The following AHCYL2 variants were observed in gnomAD, a reference collection of about 807,000 sequenced individuals.
The protein encoded by AHCYL2 is S-adenosylhomocysteine hydrolase-like protein 2.
AHCYL2 carries 28 observed loss-of-function variants against 81.4 expected under a neutral mutation model. The ratio of observed to expected loss-of-function variants is 0.34; its 90% CI spans 0.25 to 0.47. The LOEUF (loss-of-function observed/expected upper bound fraction) is 0.47. Ranked by LOEUF, AHCYL2 falls within the 20% of genes least tolerant of loss-of-function variation. The pLI is 1.00. For missense variants in AHCYL2, 551 were observed against 785.1 expected (o/e 0.70, Z 3.56); for synonymous variants, 272 against 290.2 (o/e 0.94, Z 0.64).
At chr7:129,370,850 G>A (rs746242554) in intron 1 of AHCYL2, among the ~76,000 whole-genome samples, 14 of 152,202 alleles carry the variant, frequency 9.2e-5, no homozygotes, top group Non-Finnish European at 1.6e-4. Context: ...GCAATAAAAA[G>A]GAATAGGGAG....
At chr7:129,317,868 T>C (rs1173732082) in intron 1 of AHCYL2, among the ~76,000 whole-genome samples, 2 of 152,168 alleles carry the variant, frequency 1.3e-5, no homozygotes, top group African/African-American at 4.8e-5. Context: ...CTAGGGAAGA[T>C]AGAAATAAAA....
chr7:129,237,477 A>G (rs1794679857), intron 1 of AHCYL2, among the ~76,000 whole-genome samples: 1 of 152,196 alleles, frequency 6.6e-6, no homozygotes, highest in Non-Finnish European at 1.5e-5. Flanking sequence ...CGCAAATATG[A>G]CACTAAAAAT....
chr7:129,345,983 C>G (rs1372883743), intron 1 of AHCYL2, among the ~76,000 whole-genome samples: 1 of 152,074 alleles, frequency 6.6e-6, no homozygotes, highest in East Asian at 1.9e-4. Context: ...GTATATAGAT[C>G]TGAGAGATCT....
intron 1 of AHCYL2, among the ~76,000 whole-genome samples, chr7:129,343,255 C>T (rs1057189956): frequency 2.6e-5 from 4 of 152,100 alleles, no homozygotes; most frequent in Non-Finnish European, 2.9e-5. Context: ...TTGGCATATC[C>T]GTACAGTTTC....
intron 1 of AHCYL2, chr7:129,351,759 A>G (rs1318728559): frequency 6.6e-6 from 1 of 152,108 alleles, no homozygotes; most frequent in Admixed American, 6.5e-5. Context: ...TGGTTCTCAA[A>G]ATGTGGTCCA....
intron 11 of AHCYL2, among the ~76,000 whole-genome samples, chr7:129,412,604 T>A (rs1057020577): frequency 2.0e-5 from 3 of 152,072 alleles, no homozygotes; most frequent in African/African-American, 7.2e-5. Context: ...TTTTTAAAAG[T>A]GACTGCACCA....
chr7:129,267,235 G>GTGTA (rs1795843015), intron 1 of AHCYL2, among the ~76,000 whole-genome samples: 1 of 135,606 alleles, frequency 7.4e-6, no homozygotes, highest in Admixed American at 7.8e-5. Flanking sequence ...CAAGGGGTGT[G>GTGTA]TGTGTGTGTG....
intron 1 of AHCYL2, among the ~76,000 whole-genome samples, chr7:129,338,361 C>T (rs1227997800): frequency 1.3e-5 from 2 of 151,768 alleles, no homozygotes; most frequent in African/African-American, 4.8e-5. Context: ...CTTGCTGTTT[C>T]CCAGGCATGT....
At chr7:129,422,719 T>C in intron 12 of AHCYL2, 121 bp from the exon 13 acceptor site, 1 of 757,848 alleles carries the variant, frequency 1.3e-6, no homozygotes, top group South Asian at 1.7e-5. Flanking sequence ...ACAGGTATTC[T>C]CCATCTGGCA....
chr7:129,236,186 C>A (rs185324344), intron 1 of AHCYL2, among the ~76,000 whole-genome samples: 23 of 151,766 alleles, frequency 1.5e-4, no homozygotes, highest in Non-Finnish European at 3.1e-4. Context: ...CCACGCCCAG[C>A]TAATTTTTAA....
chr7:129,259,983 G>A (rs1795561243), intron 1 of AHCYL2, among the ~76,000 whole-genome samples: 1 of 151,916 alleles, frequency 6.6e-6, no homozygotes. Flanking sequence ...GACTGAGGCA[G>A]GAGAATCGCT....
At chr7:129,421,383 A>C (rs1797113143) in intron 12 of AHCYL2, among the ~76,000 whole-genome samples, 1 of 152,102 alleles carries the variant, frequency 6.6e-6, no homozygotes, top group Admixed American at 6.6e-5. Context: ...AACTGCCCTG[A>C]TTTACTTAAC....
At chr7:129,382,179 G>T (rs1202808702) in intron 2 of AHCYL2, among the ~76,000 whole-genome samples, 1 of 152,204 alleles carries the variant, frequency 6.6e-6, no homozygotes, top group Non-Finnish European at 1.5e-5. Context: ...TAGAAAAAGA[G>T]TTTCATGTGC....
At chr7:129,366,031 G>A (rs1794101376) in intron 1 of AHCYL2, among the ~76,000 whole-genome samples, 1 of 152,116 alleles carries the variant, frequency 6.6e-6, no homozygotes, top group Non-Finnish European at 1.5e-5. Flanking sequence ...GAAGACAGAG[G>A]ACAATAATTA....
rs577283482 is a variant in AHCYL2 at position 129,293,569 on chromosome 7, TA to T, written c.363+68131del. 8.6e-4 allele frequency among the ~76,000 whole-genome samples: 131 copies of T among 152,026 alleles called. 1 individual carries two copies. The highest frequency in any genetic ancestry group is 3.1e-3 in the African/African-American group (129 of 41,480). On this transcript the variant is annotated intron_variant, in intron 1 of 16. Coordinates refer to ENST00000325006, the MANE Select transcript of AHCYL2 (RefSeq NM_015328.4). The stretch of plus-strand genomic sequence containing the variant: ...GGCACATGCCTATAGTCCCAGTTAC[TA>T]GGGGGGTGGGAGGACTGCTTGAATC...
Position 129,426,462 on chromosome 7 carries a change from A to G in AHCYL2, c.1728A>G (p.Leu576=). The change falls in exon 16 of 17, where the codon CTA becomes CTG. Residue 576 remains leucine, a synonymous_variant. Coordinates refer to ENST00000325006, the MANE Select transcript of AHCYL2 (RefSeq NM_015328.4). The surrounding 1 kb of genome is among the most constrained non-coding windows in gnomAD (Gnocchi z 4.3). The stretch of plus-strand genomic sequence containing the variant: ...TTCCAGATGAGTATGTGGCCAGCCT[A>G]CACCTGCCTACCTTTGATGCCCACT... ...PKKMDEYVAS[L]HLPTFDAHLT... is the part of the protein sequence containing the mutation. 1 of 1,614,120 alleles carries G rather than the reference A, an allele frequency of 6.2e-7. No individual in the cohort carries two copies. The highest frequency in any genetic ancestry group is 8.5e-7 in the Non-Finnish European group (1 of 1,179,982).
intron 1 of AHCYL2, among the ~76,000 whole-genome samples, chr7:129,321,743 G>GTTTTTTTTTTTTTTTTTTGTTCTTTTTTT (rs1798023976): frequency 1.3e-5 from 1 of 77,626 alleles, no homozygotes; most frequent in African/African-American, 4.6e-5. Context: ...TTCTTTCTTT[G>GTTTTTTTTTTTTTTTTTTGTTCTTTTTTT]TTTTTTTTTT....
At chr7:129,253,185 C>T (rs935265127) in intron 1 of AHCYL2, among the ~76,000 whole-genome samples, 7 of 151,142 alleles carry the variant, frequency 4.6e-5, no homozygotes, top group South Asian at 4.2e-4. Context: ...CCAGCCTGGC[C>T]GACAGAGCAA....
chr7:129,396,267 C>T (rs1347730235), intron 4 of AHCYL2, among the ~76,000 whole-genome samples: 8 of 151,942 alleles, frequency 5.3e-5, no homozygotes, highest in African/African-American at 1.7e-4. Flanking sequence ...GGACTACAGG[C>T]GCCCGCTACC....
Sources: gnomAD v4.1 joint callset for allele counts (sites outside exome capture counted in the v4.1 genomes callset) on GRCh38, gnomAD v4.1.1 for gene constraint, Gnocchi (gnomAD v3.1) non-coding constraint, MANE v1.5 for transcripts, NCBI Gene and HGNC (gene_info 2026-07-23, HGNC 2026-07-21) for gene names.